OR6N2: variants seen among roughly 807,000 people sequenced by gnomAD.
The protein encoded by OR6N2 is olfactory receptor family 6 subfamily N member 2, also known as olfactory receptor 6N2.
For missense variants in OR6N2, 399 were observed against 379.7 expected (o/e 1.05, Z -0.42); for synonymous variants, 160 against 138.3 (o/e 1.16, Z -1.10).
Position 158,777,548 on chromosome 1 carries a change from G to A in OR6N2, c.88C>T (p.Leu30=), listed in dbSNP as rs370084937. 2 of 1,613,976 alleles carry A rather than the reference G, an allele frequency of 1.2e-6. No homozygotes were observed. The highest frequency in any genetic ancestry group is 1.7e-5 in the Admixed American group (1 of 60,000). The change falls in exon 2 of 2, where the codon CTG becomes TTG. Residue 30 remains leucine (L), a synonymous_variant. Coordinates refer to ENST00000641131, the MANE Select transcript of OR6N2 (RefSeq NM_001005278.2). ...VGYVRGWLFV[L]LLLAYLFTIC... is the part of the protein sequence containing the mutation. ...GTGAACAGGTATGCCAATAGCAGCA[G>A]GACAAAAAGCCAGCCCCTGACATAG... is the stretch of plus-strand genomic sequence containing the variant.
At chr1:158,780,570 A>G (rs2102017674) in intron 1 of OR6N2, among the ~76,000 whole-genome samples, 1 of 152,352 alleles carries the variant, frequency 6.6e-6, no homozygotes, top group East Asian at 1.9e-4. Flanking sequence ...ATGTTAGCCT[A>G]GCCTCCCTTA....
At position 158,775,893 on chromosome 1, in the gene OR6N2, C is replaced by T. The variant is rs1657580490; in HGVS notation, c.*789G>A. On this transcript the variant is annotated 3_prime_UTR_variant, in exon 2 of 2. Coordinates refer to ENST00000641131, the MANE Select transcript of OR6N2 (RefSeq NM_001005278.2). Reference sequence around the variant, plus strand: ...AGAAATTTTAAGAAATCAATTTTGACATGTTAAGTTTTAAATTATTGACAA... The same window carrying T: ...AGAAATTTTAAGAAATCAATTTTGATATGTTAAGTTTTAAATTATTGACAA... 6.6e-6 allele frequency: 1 copy of T among 152,112 alleles called. No homozygotes were observed. Among genetic ancestry groups the T allele is most frequent in the Admixed American group, 6.5e-5 (1 of 15,268 alleles). The allele number at this position is 152,112 out of a possible 1,614,324, so 9.4% of individuals were successfully genotyped here.
Position 158,781,131 on chromosome 1 carries a change from C to T in OR6N2, c.-7+39G>A, listed in dbSNP as rs148563695. The T allele has an allele frequency of 6.3e-3, 958 of 152,302 alleles. 7 individuals carry two copies. Among genetic ancestry groups the T allele is most frequent in the Non-Finnish European group, 7.1e-3 (483 of 68,032 alleles). 9.4% of individuals were successfully genotyped at this position (152,302 alleles called of 1,614,324 possible). ...TATTATCAGTCCCACCTTTCCAATCCCTGATCAATATAGTTAATGTGCCCC... is the reference window on the plus strand; with the variant it reads ...TATTATCAGTCCCACCTTTCCAATCTCTGATCAATATAGTTAATGTGCCCC... On this transcript the variant is annotated intron_variant, in intron 1 of 1. Coordinates refer to ENST00000641131, the MANE Select transcript of OR6N2 (RefSeq NM_001005278.2).
chr1:158,778,418 A>C (rs535526228), intron 1 of OR6N2, among the ~76,000 whole-genome samples: 1 of 152,348 alleles, frequency 6.6e-6, no homozygotes, highest in South Asian at 2.1e-4. Context: ...AAAGAGAAAA[A>C]GAAATATTTC....
Position 158,777,042 on chromosome 1 carries a change from C to G in OR6N2, c.594G>C (p.Val198=), listed in dbSNP as rs758175837. The G allele has an allele frequency of 6.2e-7, 1 of 1,614,022 alleles. No homozygotes were observed. The highest frequency in any genetic ancestry group is 1.7e-5 in the Admixed American group (1 of 60,010). The change falls in exon 2 of 2, where the codon GTG becomes GTC. Residue 198 remains valine, a synonymous_variant. Transcript: ENST00000641131. ...TTATGAAAGCATTAATGGCAAAGTC[C>G]ACCAGAATGTTAGCAGATGTGTCCT... The part of the protein sequence containing the change: ...ACKDTSANIL[V]DFAINAFIIL...
rs1007378404 is a variant in OR6N2 at position 158,776,232 on chromosome 1, A to G, written c.*450T>C. ...GTCAAGAGTTCAGGAGAGAGGAAGG[A>G]AAAGAAGTTTCTCATGGATTTGGCA... is the stretch of plus-strand genomic sequence containing the variant. On this transcript the variant is annotated 3_prime_UTR_variant, in exon 2 of 2. Coordinates refer to ENST00000641131, the MANE Select transcript of OR6N2 (RefSeq NM_001005278.2). 17 of 153,192 alleles carry G rather than the reference A, an allele frequency of 1.1e-4. No individual in the cohort carries two copies. The highest frequency in any genetic ancestry group is 3.8e-4 in the African/African-American group (16 of 41,594). 9.5% of individuals were successfully genotyped at this position (153,192 alleles called of 1,614,324 possible). A position where few individuals can be genotyped will look rare whatever the true frequency, so the allele number is the denominator to read the frequency against.
rs1458704622 is a variant in OR6N2 at position 158,781,191 on chromosome 1, T to C, written c.-28A>G. The C allele has an allele frequency of 2.0e-5, 3 of 152,264 alleles. No individual in the cohort carries two copies. The highest frequency in any genetic ancestry group is 6.5e-5 in the Admixed American group (1 of 15,284). 9.4% of individuals were successfully genotyped at this position (152,264 alleles called of 1,614,324 possible). On this transcript the variant is annotated 5_prime_UTR_variant, in exon 1 of 2. Transcript: ENST00000641131. ...CTACCAACCACTGAACACTATTCAG[T>C]GTCTGCTTTGATCTTGCCTGGATCA... is the stretch of plus-strand genomic sequence containing the variant.
Position 158,777,100 on chromosome 1 carries a change from CAG to C in OR6N2, c.534_535del (p.Phe178LeufsTer2). ...CAAGCTCAGCAAAGGTGGAAAGTCA[CAG>C]AAAATGTGTTGGATTTCATTGTAAG... On this transcript the variant is annotated frameshift_variant, in exon 2 of 2. Transcript: ENST00000641131. LOFTEE classifies it low-confidence loss of function (END_TRUNC). 6.2e-7 allele frequency: 1 copy of C among 1,614,104 alleles called. No homozygotes were observed.
chr1:158,780,443 A>AC (rs1231886679), intron 1 of OR6N2, among the ~76,000 whole-genome samples: 2 of 152,216 alleles, frequency 1.3e-5, no homozygotes, highest in Non-Finnish European at 2.9e-5. Context: ...TTTCAAATGC[A>AC]GCTTCTCCTG....
At chr1:158,779,185 G>A (rs574018696) in intron 1 of OR6N2, among the ~76,000 whole-genome samples, 5 of 152,216 alleles carry the variant, frequency 3.3e-5, no homozygotes, top group Admixed American at 3.3e-4. Flanking sequence ...TTATTCTTAA[G>A]CAAAATGTGT....
intron 1 of OR6N2, among the ~76,000 whole-genome samples, chr1:158,780,085 C>T (rs1657711918): frequency 6.6e-6 from 1 of 152,288 alleles, no homozygotes; most frequent in East Asian, 1.9e-4. Context: ...CTTAGCAATA[C>T]AAAGCTTACA....
At position 158,776,812 on chromosome 1, in the gene OR6N2, G is replaced by T; in HGVS notation, c.824C>A (p.Ala275Asp). 6.2e-7 allele frequency: 1 copy of T among 1,614,048 alleles called. No individual in the cohort carries two copies. Among genetic ancestry groups the T allele is most frequent in the Non-Finnish European group, 8.5e-7 (1 of 1,179,926 alleles). ...TGGTGTTAGTACGGAGTAAACTATA[G>T]CAAGTGTTCGGTCAAGGGTCAGGGA... is the stretch of plus-strand genomic sequence containing the variant. ...SYSLTLDRTLAIVYSVLTPMV... is the reference protein window; with the variant it reads ...SYSLTLDRTLDIVYSVLTPMV... Residue 275 changes from alanine to aspartate, a missense_variant, in exon 2 of 2, where the codon GCT becomes GAT. Transcript: ENST00000641131.
chr1:158,780,949 A>T (rs1379744214), intron 1 of OR6N2, among the ~76,000 whole-genome samples: 1 of 152,232 alleles, frequency 6.6e-6, no homozygotes, highest in Non-Finnish European at 1.5e-5. Flanking sequence ...TAAGAACCAA[A>T]TGGAGGGAAT....
In OR6N2 at chr1:158,777,021, G is replaced by T; in HGVS notation, c.615C>A (p.Phe205Leu). The T allele has an allele frequency of 6.2e-7, 1 of 1,614,170 alleles. No individual in the cohort carries two copies. The change falls in exon 2 of 2, where the codon TTC becomes TTA. Residue 205 changes from phenylalanine (F) to leucine (L), a missense_variant. Transcript: ENST00000641131. Reference protein sequence around the residue: ...NILVDFAINAFIILITFFFIM... With the variant: ...NILVDFAINALIILITFFFIM... ...TAAAGAAGAAAGTGATAAGAATTAT[G>T]AAAGCATTAATGGCAAAGTCCACCA... is the stretch of plus-strand genomic sequence containing the variant.
Position 158,775,005 on chromosome 1 carries a change from A to G in OR6N2, c.*1677T>C, listed in dbSNP as rs1657552207. 6.6e-6 allele frequency: 1 copy of G among 152,234 alleles called. No homozygotes were observed. Among genetic ancestry groups the G allele is most frequent in the South Asian group, 2.1e-4 (1 of 4,836 alleles). 9.4% of individuals were successfully genotyped at this position (152,234 alleles called of 1,614,324 possible). ...TTCATTACGATTGCATTGAATACTCATCCTATTTAGGTGCTGTGTTAGTTT... is the reference window on the plus strand; with the variant it reads ...TTCATTACGATTGCATTGAATACTCGTCCTATTTAGGTGCTGTGTTAGTTT... On this transcript the variant is annotated 3_prime_UTR_variant, in exon 2 of 2. Coordinates refer to ENST00000641131, the MANE Select transcript of OR6N2 (RefSeq NM_001005278.2).
intron 1 of OR6N2, among the ~76,000 whole-genome samples, 181 bp downstream of exon 1, chr1:158,780,989 C>T (rs953513421): frequency 1.3e-5 from 2 of 152,164 alleles, no homozygotes; most frequent in Non-Finnish European, 2.9e-5. Flanking sequence ...AAAGTTTCTT[C>T]CAAATCTGAT....
In OR6N2 at chr1:158,776,990, T is replaced by G. The variant is rs1657615764; in HGVS notation, c.646A>C (p.Ile216Leu). 6.2e-7 allele frequency: 1 copy of G among 1,613,912 alleles called. No homozygotes were observed. Among genetic ancestry groups the G allele is most frequent in the Non-Finnish European group, 8.5e-7 (1 of 1,180,014 alleles). Residue 216 changes from isoleucine to leucine, a missense_variant, in exon 2 of 2, where the codon ATT becomes CTT. Coordinates refer to ENST00000641131, the MANE Select transcript of OR6N2 (RefSeq NM_001005278.2). ...IILITFFFIM[I>L]SYARIIGAVL... is the part of the protein sequence containing the mutation. ...GCCCCAATGATCCTTGCATAAGAAA[T>G]CATGATAAAGAAGAAAGTGATAAGA...
rs557698951 is a variant in OR6N2, at chr1:158,774,545, A to ACAGTTAGAC, written c.*2128_*2136dup. 3.9e-5 allele frequency: 6 copies of ACAGTTAGAC among 152,330 alleles called. No homozygotes were observed. Among genetic ancestry groups the ACAGTTAGAC allele is most frequent in the Admixed American group, 3.9e-4 (6 of 15,300 alleles). 9.4% of individuals were successfully genotyped at this position (152,330 alleles called of 1,614,324 possible). A position where few individuals can be genotyped will look rare whatever the true frequency, so the allele number is the denominator to read the frequency against. On this transcript the variant is annotated 3_prime_UTR_variant, in exon 2 of 2. Coordinates refer to ENST00000641131, the MANE Select transcript of OR6N2 (RefSeq NM_001005278.2). ...CCCAAAAAGCACTAGTCTTTGGAAA[A>ACAGTTAGAC]CAGTTAGACAGCTAATTATAAACAT...
At position 158,777,646 on chromosome 1, in the gene OR6N2, G is replaced by A; in HGVS notation, c.-6-5C>T. ...GTTGTATTGATCCATGGGAGGCTGA[G>A]GTAAAGAAGGAAAGAAGAAAACATT... On this transcript the variant is annotated splice_region_variant and splice_polypyrimidine_tract_variant and intron_variant, in intron 1 of 1. Transcript: ENST00000641131. 6.4e-7 allele frequency: 1 copy of A among 1,556,400 alleles called. No homozygotes were observed. Among genetic ancestry groups the A allele is most frequent in the East Asian group, 2.3e-5 (1 of 44,314 alleles).
Sources: allele counts gnomAD v4.1 joint callset (sites outside exome capture counted in the v4.1 genomes callset), GRCh38; gene constraint gnomAD v4.1.1; transcripts MANE v1.5; gene names NCBI Gene and HGNC (gene_info 2026-07-23, HGNC 2026-07-21).